Variants in DPYD observed in about 807,000 individuals in gnomAD.
DPYD encodes dihydropyrimidine dehydrogenase [NADP(+)].
A neutral mutation model predicts 116.2 loss-of-function variants in DPYD; 109 were observed. That is an observed-to-expected ratio of 0.94 (90% CI 0.80 to 1.10). The LOEUF (loss-of-function observed/expected upper bound fraction) is 1.10, where lower values mean the gene tolerates loss of function less well. DPYD is among the 50% of genes least tolerant of loss of function. The pLI is 0.00. For synonymous variants in DPYD, 440 were observed against 432.0 expected (o/e 1.02, Z -0.23); for missense variants, 1,302 against 1,254.5 (o/e 1.04, Z -0.57).
At chr1:97,541,353 A>G (rs1650440528) in intron 12 of DPYD, among the ~76,000 whole-genome samples, 1 of 152,240 alleles carries the variant, frequency 6.6e-6, no homozygotes, top group South Asian at 2.1e-4. Context: ...TGAGTTACTT[A>G]AAAAATACTG....
chr1:97,428,943 T>G (rs960591534), intron 14 of DPYD, among the ~76,000 whole-genome samples: 2 of 152,184 alleles, frequency 1.3e-5, no homozygotes, highest in Admixed American at 1.3e-4. Context: ...GGTATTAAAT[T>G]TTTTAAATCA....
chr1:97,478,213 A>ATATC (rs1269270028), intron 13 of DPYD, among the ~76,000 whole-genome samples: 2 of 152,192 alleles, frequency 1.3e-5, no homozygotes, highest in Non-Finnish European at 2.9e-5. Flanking sequence ...CTGTAAATAG[A>ATATC]TGTGCTGTCA....
At position 97,450,278 on chromosome 1, in the gene DPYD, T is replaced by G. The variant is rs1676340422; in HGVS notation, c.1741-55A>C. ...CTTTTGACAAAGAAAAGCTATAATC[T>G]TTATTATCTGCTCATTTCCATATGA... On this transcript the variant is annotated intron_variant, in intron 13 of 22. Transcript: ENST00000370192. The G allele has an allele frequency of 4.2e-5, 66 of 1,588,346 alleles. No homozygotes were observed. The South Asian group carries it at 7.2e-4, about 17-fold the overall frequency.
chr1:97,266,347 C>T (rs1664223659), intron 18 of DPYD, among the ~76,000 whole-genome samples: 1 of 152,084 alleles, frequency 6.6e-6, no homozygotes, highest in African/African-American at 2.4e-5. Flanking sequence ...TACGTCTGCA[C>T]CATGGAGAGA....
intron 16 of DPYD, among the ~76,000 whole-genome samples, chr1:97,312,072 A>G (rs1558019555): frequency 1.3e-5 from 2 of 151,796 alleles, no homozygotes; most frequent in Non-Finnish European, 2.9e-5. Context: ...AAAAATATAT[A>G]TGTGTGTGTG....
chr1:97,159,682 T>G (rs1422865082), intron 20 of DPYD, among the ~76,000 whole-genome samples: 1 of 151,990 alleles, frequency 6.6e-6, no homozygotes, highest in African/African-American at 2.4e-5. Flanking sequence ...GGGGCAATTT[T>G]GAGACTGAAT....
intron 3 of DPYD, among the ~76,000 whole-genome samples, chr1:97,750,115 A>G (rs566466497): frequency 5.9e-5 from 9 of 152,134 alleles, no homozygotes; most frequent in African/African-American, 2.2e-4. Flanking sequence ...AAACTAATAT[A>G]TATTTTTCAT....
chr1:97,760,677 A>G (rs1056913117), intron 3 of DPYD, among the ~76,000 whole-genome samples: 1 of 152,076 alleles, frequency 6.6e-6, no homozygotes, highest in African/African-American at 2.4e-5. Context: ...CAAAGTACAG[A>G]GGGCACCTAA....
At chr1:97,898,330 T>C (rs893625381) in intron 1 of DPYD, among the ~76,000 whole-genome samples, 8 of 151,860 alleles carry the variant, frequency 5.3e-5, no homozygotes, top group African/African-American at 1.7e-4. Context: ...CTCTCTGTTG[T>C]TCTGTTCTAC....
intron 1 of DPYD, among the ~76,000 whole-genome samples, chr1:97,885,271 A>G (rs1255741240): frequency 6.6e-6 from 1 of 152,114 alleles, no homozygotes; most frequent in Non-Finnish European, 1.5e-5. Context: ...AGATCCACAG[A>G]GAACTATCAA....
chr1:97,674,493 A>G (rs928359297), intron 8 of DPYD, among the ~76,000 whole-genome samples: 2 of 152,150 alleles, frequency 1.3e-5, no homozygotes, highest in African/African-American at 4.8e-5. Flanking sequence ...TTTTGGCACT[A>G]TCATGTTTTA....
rs75211567 is a variant in DPYD, at chr1:97,581,702, C to T, written c.1129-7732G>A. Among the ~76,000 whole-genome samples the T allele has an allele frequency of 2.8e-4, 41 of 144,904 alleles. 2 individuals carry two copies. The East Asian group carries it at 7.9e-3, about 28-fold the overall frequency. ...TTCAGATTGCAATGAGCTGTGATCA[C>T]GCCACTGCATTCTGGCCTTGGTGAC... On this transcript the variant is annotated intron_variant, in intron 10 of 22. Transcript: ENST00000370192.
chr1:97,773,381 C>T (rs1666238455), intron 3 of DPYD, among the ~76,000 whole-genome samples: 1 of 104,770 alleles, frequency 9.5e-6, no homozygotes, highest in South Asian at 3.9e-4. Flanking sequence ...ACTAATGATA[C>T]AGGAGAAGGG....
chr1:97,787,868 C>T (rs1438691397), intron 3 of DPYD, among the ~76,000 whole-genome samples: 2 of 152,172 alleles, frequency 1.3e-5, no homozygotes, highest in Admixed American at 6.5e-5. Context: ...CTACCATTGA[C>T]CTTTATTGGT....
chr1:97,789,796 C>A (rs181276671), intron 3 of DPYD, among the ~76,000 whole-genome samples: 25 of 152,288 alleles, frequency 1.6e-4, no homozygotes, highest in South Asian at 4.1e-4. Flanking sequence ...CCACAAATCA[C>A]TCAGCTCCCT....
At chr1:97,673,529 T>C (rs143388154) in intron 8 of DPYD, among the ~76,000 whole-genome samples, 427 of 152,194 alleles carry the variant, frequency 2.8e-3, no homozygotes, top group Non-Finnish European at 4.3e-3. Flanking sequence ...GTTCCTACTA[T>C]GTACCCGCCA....
chr1:97,397,048 T>C (rs1673048300), intron 14 of DPYD, among the ~76,000 whole-genome samples: 1 of 152,094 alleles, frequency 6.6e-6, no homozygotes. Flanking sequence ...CACCTTTAGT[T>C]TCTTATCATT....
chr1:97,527,794 G>GAA (rs35111926), intron 12 of DPYD, among the ~76,000 whole-genome samples: 52,859 of 112,116 alleles, frequency 0.47, 11,569 homozygotes, highest in East Asian at 0.7. Flanking sequence ...ATGAAATTTG[G>GAA]AAAAAAAAAA....
chr1:97,511,474 AT>A (rs1228922003), intron 13 of DPYD, among the ~76,000 whole-genome samples: 4 of 152,108 alleles, frequency 2.6e-5, no homozygotes, highest in Admixed American at 2.6e-4. Context: ...TATTTGTTAG[AT>A]TTTTTTCTAA....
Sources: gnomAD v4.1 joint callset for allele counts (sites outside exome capture counted in the v4.1 genomes callset) on GRCh38, gnomAD v4.1.1 for gene constraint, MANE v1.5 for transcripts, NCBI Gene and HGNC (gene_info 2026-07-23, HGNC 2026-07-21) for gene names.